PCA3: variants seen among roughly 807,000 people sequenced by gnomAD.
PCA3 encodes the protein prostate cancer associated 3, also known as Differential Display code 3.
At chr9:76,779,893 G>C (rs1044688866) in intron 2 of PCA3, 1 of 152,146 alleles carries the variant, frequency 6.6e-6, no homozygotes, top group Admixed American at 6.5e-5. Flanking sequence ...TCTATACAGA[G>C]AAATATTTTT....
chr9:76,779,380 A>G (rs1456478586), intron 2 of PCA3, among the ~76,000 whole-genome samples: 3 of 152,204 alleles, frequency 2.0e-5, no homozygotes, highest in African/African-American at 7.2e-5. Context: ...GTTTCCTTCC[A>G]AAGCCAACGT....
chr9:76,776,314 G>A (rs922109302), intron 2 of PCA3, among the ~76,000 whole-genome samples: 12 of 151,624 alleles, frequency 7.9e-5, no homozygotes, highest in African/African-American at 2.4e-4. Flanking sequence ...TGGACTCTCC[G>A]ATGTTATTAT....
chr9:76,766,151 C>T (rs1161323546), intron 2 of PCA3, among the ~76,000 whole-genome samples: 1 of 147,988 alleles, frequency 6.8e-6, no homozygotes, highest in African/African-American at 2.5e-5. Context: ...CCACTGCACT[C>T]TAGCCTGGGT....
At chr9:76,779,403 CA>C (rs1317722886) in intron 2 of PCA3, among the ~76,000 whole-genome samples, 1 of 152,098 alleles carries the variant, frequency 6.6e-6, no homozygotes, top group African/African-American at 2.4e-5. Context: ...AATTTTGAAA[CA>C]TATCAAAGCT....
intron 2 of PCA3, among the ~76,000 whole-genome samples, chr9:76,781,760 T>C (rs1418297983): frequency 6.6e-6 from 1 of 152,240 alleles, no homozygotes. Context: ...ACCTAGCACA[T>C]AGCATATAGT....
intron 2 of PCA3, among the ~76,000 whole-genome samples, chr9:76,768,577 A>ATGTGTGTGTG (rs879821167): frequency 1.0e-4 from 10 of 98,188 alleles, no homozygotes; most frequent in African/African-American, 2.9e-4. Flanking sequence ...ATATATATGT[A>ATGTGTGTGTG]TATGTATGTG....
rs761395945 is a variant in PCA3, at chr9:76,774,465, T to TATTTATTTATTTATTTA, written n.853-34118_853-34117insATTTATTTATTTATTTA. Among the ~76,000 whole-genome samples the TATTTATTTATTTATTTA allele has an allele frequency of 5.2e-3, 710 of 136,870 alleles. 19 individuals carry two copies. The highest frequency in any genetic ancestry group is 0.015 in the African/African-American group (530 of 35,728). The allele number at this position is 136,870 out of a possible 152,430, so 89.8% of individuals were successfully genotyped here. A position where few individuals can be genotyped will look rare whatever the true frequency, so the allele number is the denominator to read the frequency against. ...CAGTTCAACCCTTTTTTTTTTTTTT[T>TATTTATTTATTTATTTA]TTTTTTTTTTTTGAGATGGAGTCTC... On this transcript the variant is annotated intron_variant and non_coding_transcript_variant, in intron 2 of 5. Transcript: ENST00000644657.
intron 2 of PCA3, chr9:76,779,565 A>G (rs1328867701): frequency 6.6e-6 from 1 of 152,230 alleles, no homozygotes; most frequent in Non-Finnish European, 1.5e-5. Context: ...GTGGAAGGAC[A>G]GCATTGTGGC....
At chr9:76,780,530 AAAT>A (rs1349299139) in intron 2 of PCA3, among the ~76,000 whole-genome samples, 1 of 152,082 alleles carries the variant, frequency 6.6e-6, no homozygotes, top group Non-Finnish European at 1.5e-5. Context: ...TAATAAAAAA[AAAT>A]ACAAAAAATT....
intron 2 of PCA3, chr9:76,785,171 C>T (rs1564299177): frequency 6.6e-6 from 1 of 152,184 alleles, no homozygotes; most frequent in Admixed American, 6.6e-5. Flanking sequence ...CTTGTAATTC[C>T]TTGAACATGT....
chr9:76,787,068 T>G (rs2055060733), intron 2 of PCA3: 1 of 152,236 alleles, frequency 6.6e-6, no homozygotes, highest in Non-Finnish European at 1.5e-5. Context: ...TAGAATTTGC[T>G]ACATTTGAGA....
chr9:76,766,228 A>G (rs576219682), intron 2 of PCA3, among the ~76,000 whole-genome samples: 1 of 152,042 alleles, frequency 6.6e-6, no homozygotes, highest in South Asian at 2.1e-4. Context: ...AGTAAATGCA[A>G]TATCATTTTT....
intron 2 of PCA3, among the ~76,000 whole-genome samples, chr9:76,769,493 G>A: frequency 8.7e-6 from 1 of 115,232 alleles, no homozygotes; most frequent in South Asian, 3.1e-4. Flanking sequence ...CACAATCTCG[G>A]CTCGTCGTCG....
chr9:76,781,918 G>A (rs2054448031), intron 2 of PCA3, among the ~76,000 whole-genome samples: 1 of 152,116 alleles, frequency 6.6e-6, no homozygotes, highest in South Asian at 2.1e-4. Context: ...GACATAGAAA[G>A]CATTGGGAAA....
intron 2 of PCA3, among the ~76,000 whole-genome samples, chr9:76,780,351 G>C (rs1364617007): frequency 6.6e-6 from 1 of 152,084 alleles, no homozygotes; most frequent in Non-Finnish European, 1.5e-5. Context: ...AAGACAAGTT[G>C]AGAGACCATT....
intron 2 of PCA3, among the ~76,000 whole-genome samples, chr9:76,768,606 T>C: frequency 6.6e-6 from 1 of 151,778 alleles, no homozygotes; most frequent in African/African-American, 2.4e-5. Flanking sequence ...TGTGTGTGTG[T>C]GTGTGTGTGT....
chr9:76,782,470 T>C (rs542377882), intron 2 of PCA3, among the ~76,000 whole-genome samples: 1 of 152,230 alleles, frequency 6.6e-6, no homozygotes, highest in Non-Finnish European at 1.5e-5. Context: ...TGCCACACTT[T>C]GTTTATCTGA....
intron 2 of PCA3, among the ~76,000 whole-genome samples, chr9:76,768,583 ATGTGTGTGTGTGTG>A (rs55793596): frequency 0.013 from 1,318 of 103,344 alleles, 18 homozygotes; most frequent in African/African-American, 0.04. Context: ...ATGTATATGT[ATGTGTGTGTGTGTG>A]TGTGTGTGTG....
chr9:76,775,304 C>CT (rs112338922), intron 2 of PCA3, among the ~76,000 whole-genome samples: 11,273 of 149,554 alleles, frequency 0.075, 1,306 homozygotes, highest in African/African-American at 0.25. Flanking sequence ...TGTACTTTGT[C>CT]TTTTTTTTTT....
Sources: allele counts gnomAD v4.1 joint callset (sites outside exome capture counted in the v4.1 genomes callset), GRCh38; gene constraint gnomAD v4.1.1; transcripts MANE v1.5; gene names NCBI Gene and HGNC (gene_info 2026-07-23, HGNC 2026-07-21).